MACROD2: variants seen among roughly 807,000 people sequenced by gnomAD.
MACROD2 encodes the protein mono-ADP ribosylhydrolase 2.
In MACROD2, 36 loss-of-function variants were observed where a neutral mutation model predicts 70.4. The ratio of observed to expected loss-of-function variants is 0.51; its 90% CI spans 0.39 to 0.68. The LOEUF is 0.68. Among genes scored for constraint, MACROD2 ranks in the 30% least tolerant of loss-of-function variants. The pLI, the probability that MACROD2 is intolerant of heterozygous loss-of-function variation, is 0.00. For synonymous variants in MACROD2, 172 were observed against 178.8 expected, an observed-to-expected ratio of 0.96 and a Z score of 0.30; for missense variants, 496 against 538.4, an observed-to-expected ratio of 0.92 and a Z score of 0.78.
At chr20:15,038,690 G>A (rs1381172273) in intron 5 of MACROD2, among the ~76,000 whole-genome samples, 1 of 152,152 alleles carries the variant, frequency 6.6e-6, no homozygotes, top group East Asian at 1.9e-4. Flanking sequence ...ATGTGCTCAT[G>A]AGGACGAGGT....
intron 8 of MACROD2, among the ~76,000 whole-genome samples, chr20:15,837,398 C>T (rs932530949): frequency 1.3e-5 from 2 of 152,128 alleles, no homozygotes. Context: ...CAACTTTCTC[C>T]TTAGCTAACT....
chr20:14,988,494 C>T (rs184641228), intron 5 of MACROD2, among the ~76,000 whole-genome samples: 3 of 152,056 alleles, frequency 2.0e-5, no homozygotes, highest in African/African-American at 7.2e-5. Flanking sequence ...GCATTTGACT[C>T]TCTTACAGAT....
intron 5 of MACROD2, among the ~76,000 whole-genome samples, chr20:15,156,651 G>A (rs1034957753): frequency 9.2e-5 from 14 of 152,132 alleles, no homozygotes; most frequent in Non-Finnish European, 8.8e-5. Flanking sequence ...CTAGGCCTGG[G>A]TGATTCATTT....
At chr20:15,431,355 G>A (rs752631114) in intron 6 of MACROD2, 50 bp from the exon 7 acceptor site, 47 of 1,509,144 alleles carry the variant, frequency 3.1e-5, no homozygotes, top group East Asian at 1.8e-4. Flanking sequence ...ATGATGTTGC[G>A]TAGAGTTGTT....
intron 5 of MACROD2, among the ~76,000 whole-genome samples, chr20:14,783,989 T>TTGGCAAA (rs1350861460): frequency 1.3e-5 from 2 of 152,096 alleles, no homozygotes; most frequent in African/African-American, 4.8e-5. Context: ...GAGAAAGCTC[T>TTGGCAAA]TAGGCAAAAT....
chr20:14,020,471 C>T (rs1365579732), intron 2 of MACROD2, among the ~76,000 whole-genome samples: 1 of 152,092 alleles, frequency 6.6e-6, no homozygotes, highest in Non-Finnish European at 1.5e-5. Context: ...GAAACTCCAT[C>T]TCAAAAAAAA....
intron 4 of MACROD2, among the ~76,000 whole-genome samples, chr20:14,562,901 C>T (rs1228202489): frequency 2.0e-5 from 3 of 151,794 alleles, no homozygotes; most frequent in Non-Finnish European, 4.4e-5. Context: ...TGGTTTTGTG[C>T]TCTTTTGCCT....
intron 4 of MACROD2, among the ~76,000 whole-genome samples, chr20:14,551,739 G>T (rs1204692896): frequency 1.3e-5 from 2 of 152,018 alleles, no homozygotes; most frequent in African/African-American, 2.4e-5. Context: ...ATTTATTGAG[G>T]AAAATTAAAA....
chr20:14,140,131 T>C (rs923559998), intron 3 of MACROD2, among the ~76,000 whole-genome samples: 2 of 152,170 alleles, frequency 1.3e-5, no homozygotes, highest in African/African-American at 4.8e-5. Context: ...ATGCCTGTAG[T>C]TGATAAAATA....
In MACROD2 at chr20:15,937,558, A is replaced by G; in HGVS notation, c.907+14A>G. 3 of 1,609,224 alleles carry G rather than the reference A, an allele frequency of 1.9e-6. No individual in the cohort carries two copies. The highest frequency in any genetic ancestry group is 1.7e-6 in the Non-Finnish European group (2 of 1,175,804). On this transcript the variant is annotated intron_variant, in intron 12 of 17. Coordinates refer to ENST00000684519, the MANE Select transcript of MACROD2 (RefSeq NM_001351661.2). ...GTAAAGATGAAGGTATGAGGCTACT[A>G]ACTATATCTAATAATTGCAGACTCT...
chr20:15,156,655 T>C (rs2076308898), intron 5 of MACROD2, among the ~76,000 whole-genome samples: 1 of 152,116 alleles, frequency 6.6e-6, no homozygotes. Flanking sequence ...GCCTGGGTGA[T>C]TCATTTCAGC....
At chr20:15,111,653 A>AT (rs1174643052) in intron 5 of MACROD2, among the ~76,000 whole-genome samples, 2 of 152,100 alleles carry the variant, frequency 1.3e-5, no homozygotes, top group African/African-American at 2.4e-5. Context: ...GACAGTTTCC[A>AT]TTTTCATTAT....
chr20:16,027,858 T>C (rs1186492304), intron 15 of MACROD2, among the ~76,000 whole-genome samples: 1 of 152,182 alleles, frequency 6.6e-6, no homozygotes, highest in Non-Finnish European at 1.5e-5. Flanking sequence ...GGAAAGACCC[T>C]GATCTGAGAT....
At chr20:14,946,035 C>G (rs184915989) in intron 5 of MACROD2, among the ~76,000 whole-genome samples, 1 of 152,100 alleles carries the variant, frequency 6.6e-6, no homozygotes. Flanking sequence ...TGGTGAAACC[C>G]TGTCTCTACT....
intron 4 of MACROD2, among the ~76,000 whole-genome samples, chr20:14,671,471 A>G (rs2070793865): frequency 6.6e-6 from 1 of 152,178 alleles, no homozygotes; most frequent in Non-Finnish European, 1.5e-5. Flanking sequence ...AGAAAGAGGA[A>G]TGAAAGTCAC....
intron 5 of MACROD2, among the ~76,000 whole-genome samples, chr20:15,103,313 G>C (rs1213197578): frequency 6.6e-6 from 1 of 152,122 alleles, no homozygotes; most frequent in Non-Finnish European, 1.5e-5. Flanking sequence ...ATGTAGACTT[G>C]CCAAGTCCAG....
At chr20:15,495,145 C>T (rs576217980) in intron 7 of MACROD2, among the ~76,000 whole-genome samples, 99 of 152,288 alleles carry the variant, frequency 6.5e-4, no homozygotes, top group Non-Finnish European at 1.1e-3. Context: ...AACAAAAGTC[C>T]CCTGGTGACC....
rs16995829 is a variant in MACROD2 at position 15,498,081 on chromosome 20, T to C, written c.572-1693T>C. On this transcript the variant is annotated intron_variant, in intron 7 of 17. Transcript: ENST00000684519. Reference sequence around the variant, plus strand: ...GCACAATCCCAAATGTGGTAGACATTGCAAAGGTTCAAGAACTTACGCACA... The same window carrying C: ...GCACAATCCCAAATGTGGTAGACATCGCAAAGGTTCAAGAACTTACGCACA... Among the ~76,000 whole-genome samples, 1,317 of 152,322 alleles carry C rather than the reference T, an allele frequency of 8.6e-3. 27 individuals are homozygous for C. Among genetic ancestry groups the C allele is most frequent in the African/African-American group, 0.03 (1,258 of 41,574 alleles).
At chr20:14,988,788 A>G (rs1458091891) in intron 5 of MACROD2, among the ~76,000 whole-genome samples, 2 of 152,232 alleles carry the variant, frequency 1.3e-5, no homozygotes, top group Admixed American at 1.3e-4. Flanking sequence ...AGCATAATTT[A>G]CTACGGTGGG....
Sources: gnomAD v4.1 joint callset for allele counts (sites outside exome capture counted in the v4.1 genomes callset) on GRCh38, gnomAD v4.1.1 for gene constraint, MANE v1.5 for transcripts, NCBI Gene and HGNC (gene_info 2026-07-23, HGNC 2026-07-21) for gene names.